The following MAML3 variants were observed in gnomAD, a reference collection of about 807,000 sequenced individuals.
The protein encoded by MAML3 is mastermind like transcriptional coactivator 3, also known as mastermind-like protein 3.
In MAML3, 27 loss-of-function variants were observed where a neutral mutation model predicts 101.9. The ratio of observed to expected loss-of-function variants is 0.27; its 90% CI spans 0.20 to 0.37. MAML3 has a LOEUF of 0.37. Ranked by LOEUF, MAML3 falls within the 10% of genes least tolerant of loss-of-function variation. The pLI is 1.00. For synonymous variants in MAML3, 501 were observed against 555.9 expected (o/e 0.90, Z 1.39); for missense variants, 1,316 against 1,444.9 (o/e 0.91, Z 1.45).
chr4:139,730,063 T>G (rs554128991), intron 3 of MAML3, among the ~76,000 whole-genome samples: 76 of 152,356 alleles, frequency 5.0e-4, no homozygotes, highest in Non-Finnish European at 8.8e-4. Flanking sequence ...GCTAGAAATA[T>G]TACGGCTTAT....
At chr4:140,126,481 C>G (rs1308520432) in intron 1 of MAML3, among the ~76,000 whole-genome samples, 1 of 152,196 alleles carries the variant, frequency 6.6e-6, no homozygotes, top group Non-Finnish European at 1.5e-5. Flanking sequence ...GTTTACTACA[C>G]CACTCTCCTG....
chr4:140,128,126 C>T (rs1421374100), intron 1 of MAML3: 1 of 152,370 alleles, frequency 6.6e-6, no homozygotes, highest in Non-Finnish European at 1.5e-5. Context: ...CTCTTTTGCC[C>T]CTCATTTGTC....
chr4:140,022,247 G>A (rs1437457291), intron 1 of MAML3, among the ~76,000 whole-genome samples: 1 of 152,140 alleles, frequency 6.6e-6, no homozygotes, highest in Non-Finnish European at 1.5e-5. Context: ...AAATCACTAT[G>A]GGTAAAATGT....
At chr4:139,790,474 C>T (rs573632487) in intron 2 of MAML3, among the ~76,000 whole-genome samples, 49 of 151,732 alleles carry the variant, frequency 3.2e-4, no homozygotes, top group Admixed American at 1.1e-3. Flanking sequence ...TGTTGCGCAA[C>T]ATCACCGCTA....
At chr4:139,911,908 C>T (rs984043309) in intron 1 of MAML3, among the ~76,000 whole-genome samples, 1 of 152,210 alleles carries the variant, frequency 6.6e-6, no homozygotes, top group African/African-American at 2.4e-5. Context: ...TATTCTGTTA[C>T]AGCAGCCTGG....
Position 139,840,974 on chromosome 4 carries a change from T to G in MAML3, c.2079+48383A>C, listed in dbSNP as rs569513343. 2.0e-5 allele frequency among the ~76,000 whole-genome samples: 3 copies of G among 152,304 alleles called. No individual in the cohort carries two copies. The South Asian group carries it at 6.2e-4, about 32-fold the overall frequency. On this transcript the variant is annotated intron_variant, in intron 2 of 4. Coordinates refer to ENST00000509479, the MANE Select transcript of MAML3 (RefSeq NM_018717.5). ...CTGGCTGCTCTAGGTTATCAGCAACTCATCTGGTCACAGTGATTGCAAAAT... is the reference window on the plus strand; with the variant it reads ...CTGGCTGCTCTAGGTTATCAGCAACGCATCTGGTCACAGTGATTGCAAAAT...
intron 2 of MAML3, among the ~76,000 whole-genome samples, chr4:139,836,672 T>C (rs1731259860): frequency 6.6e-6 from 1 of 152,042 alleles, no homozygotes; most frequent in Non-Finnish European, 1.5e-5. Context: ...TCCTGGCTCT[T>C]GTGCCCTTCT....
chr4:140,153,386 T>G lies in MAML3; in HGVS notation c.-59A>C, dbSNP rs1729213497. 2 of 1,468,202 alleles carry G rather than the reference T, an allele frequency of 1.4e-6. No homozygotes were observed. The highest frequency in any genetic ancestry group is 1.8e-6 in the Non-Finnish European group (2 of 1,108,158). 90.9% of individuals were successfully genotyped at this position (1,468,202 alleles called of 1,614,324 possible). A position where few individuals can be genotyped will look rare whatever the true frequency, so the allele number is the denominator to read the frequency against. On this transcript the variant is annotated 5_prime_UTR_variant, in exon 1 of 5. Transcript: ENST00000509479. ...TTTTTTATCCACCCCCCTATCAGCCTCCTCCTTGGGTCCAAGGATTAAAAT... is the reference window on the plus strand; with the variant it reads ...TTTTTTATCCACCCCCCTATCAGCCGCCTCCTTGGGTCCAAGGATTAAAAT...
chr4:139,787,409 T>C (rs1730325399), intron 2 of MAML3, among the ~76,000 whole-genome samples: 1 of 152,244 alleles, frequency 6.6e-6, no homozygotes, highest in African/African-American at 2.4e-5. Flanking sequence ...AGTAGCCCTT[T>C]CTAAATTATT....
chr4:139,760,511 G>C (rs1194101993), intron 2 of MAML3, among the ~76,000 whole-genome samples: 1 of 152,156 alleles, frequency 6.6e-6, no homozygotes, highest in African/African-American at 2.4e-5. Context: ...CACAGCGCCT[G>C]GCTCATGGGC....
At chr4:140,113,166 CT>C (rs1728466278) in intron 1 of MAML3, among the ~76,000 whole-genome samples, 1 of 152,072 alleles carries the variant, frequency 6.6e-6, no homozygotes, top group Non-Finnish European at 1.5e-5. Flanking sequence ...GTAGTCCCAG[CT>C]ACTCAGGAGG....
At chr4:139,986,438 A>G (rs1210855674) in intron 1 of MAML3, among the ~76,000 whole-genome samples, 1 of 152,212 alleles carries the variant, frequency 6.6e-6, no homozygotes, top group Admixed American at 6.5e-5. Flanking sequence ...ACTTTTAGTC[A>G]TTATCACTGG....
At chr4:140,040,814 C>G (rs1370719176) in intron 1 of MAML3, among the ~76,000 whole-genome samples, 1 of 152,082 alleles carries the variant, frequency 6.6e-6, no homozygotes, top group Admixed American at 6.6e-5. Flanking sequence ...TAATAATAGT[C>G]TCCTTTCACT....
At position 139,815,329 on chromosome 4, in the gene MAML3, A is replaced by C. The variant is rs80322814; in HGVS notation, c.2079+74028T>G. On this transcript the variant is annotated intron_variant, in intron 2 of 4. Transcript: ENST00000509479. ...ACAGGTAAATATGGCCTGCTGAATA[A>C]TAATAGCCCACATTCATTCAGAGCT... Among the ~76,000 whole-genome samples the C allele has an allele frequency of 3.1e-3, 471 of 152,384 alleles. 2 individuals carry two copies. The highest frequency in any genetic ancestry group is 0.01 in the African/African-American group (429 of 41,592).
chr4:139,880,378 T>C (rs1476688029), intron 2 of MAML3, among the ~76,000 whole-genome samples: 1 of 151,912 alleles, frequency 6.6e-6, no homozygotes, highest in African/African-American at 2.4e-5. Flanking sequence ...AGATCTGGAT[T>C]TTGGGGCCCT....
chr4:139,791,809 CA>C (rs1448712177), intron 2 of MAML3, among the ~76,000 whole-genome samples: 1 of 152,144 alleles, frequency 6.6e-6, no homozygotes, highest in Non-Finnish European at 1.5e-5. Flanking sequence ...GTATTCTAGC[CA>C]GTTGTTCTGT....
At chr4:139,979,397 A>G (rs1396692079) in intron 1 of MAML3, among the ~76,000 whole-genome samples, 1 of 152,068 alleles carries the variant, frequency 6.6e-6, no homozygotes, top group Non-Finnish European at 1.5e-5. Flanking sequence ...CATAGACACC[A>G]CTGCCTCCCA....
chr4:139,917,526 T>A (rs1195864773), intron 1 of MAML3, among the ~76,000 whole-genome samples: 1 of 152,142 alleles, frequency 6.6e-6, no homozygotes, highest in Non-Finnish European at 1.5e-5. Context: ...GGAGGGGGAA[T>A]GCCACAGCTC....
At chr4:139,908,399 T>C (rs112164740) in intron 1 of MAML3, among the ~76,000 whole-genome samples, 2,012 of 152,346 alleles carry the variant, frequency 0.013, 16 homozygotes, top group Non-Finnish European at 0.02. Flanking sequence ...TAAGGGCCAA[T>C]TGAATATTTA....
Sources: allele counts gnomAD v4.1 joint callset (sites outside exome capture counted in the v4.1 genomes callset), GRCh38; gene constraint gnomAD v4.1.1; transcripts MANE v1.5; gene names NCBI Gene and HGNC (gene_info 2026-07-23, HGNC 2026-07-21).